Variants in RABEPK observed in about 807,000 individuals in gnomAD.
The protein encoded by RABEPK is Rab9 effector protein with kelch motifs.
A neutral mutation model predicts 34.1 loss-of-function variants in RABEPK; 27 were observed. The observed-to-expected ratio is 0.79, with a 90% CI of 0.58 to 1.09. The LOEUF (loss-of-function observed/expected upper bound fraction) is 1.09, where lower values mean the gene tolerates loss of function less well. RABEPK is among the 50% of genes least tolerant of loss of function. RABEPK has a pLI of 0.00. For missense variants in RABEPK, 449 were observed against 462.6 expected (o/e 0.97, Z 0.27); for synonymous variants, 172 against 169.2 (o/e 1.02, Z -0.13).
At chr9:125,225,447 G>T (rs1831665472) in intron 5 of RABEPK, among the ~76,000 whole-genome samples, 1 of 152,020 alleles carries the variant, frequency 6.6e-6, no homozygotes, top group Admixed American at 6.6e-5. Flanking sequence ...ACTTTGGGAG[G>T]CCCAGGGGGG....
chr9:125,218,315 C>T (rs1229758106), intron 4 of RABEPK, among the ~76,000 whole-genome samples: 1 of 100,952 alleles, frequency 9.9e-6, no homozygotes, highest in South Asian at 3.8e-4. Context: ...CAGCGAGACT[C>T]CGTCTCAAAA....
At position 125,213,411 on chromosome 9, in the gene RABEPK, C is replaced by T; in HGVS notation, c.253C>T (p.Pro85Ser). The change falls in exon 4 of 8, where the codon CCC (proline) becomes TCC (serine). Residue 85 changes from proline to serine, a missense_variant. Coordinates refer to ENST00000373538, the MANE Select transcript of RABEPK (RefSeq NM_005833.4). ...WDLDTCKGLL[P>S]RYEHASFIPS... ...CTTAGATACCTGCAAGGGCCTCTTG[C>T]CCCGGTATGAACATGCTAGCTTCAT... 2 of 1,613,886 alleles carry T rather than the reference C, an allele frequency of 1.2e-6. No individual in the cohort carries two copies. The highest frequency in any genetic ancestry group is 1.1e-5 in the South Asian group (1 of 91,038).
chr9:125,232,135 G>T (rs941432886), intron 6 of RABEPK, among the ~76,000 whole-genome samples: 1 of 151,756 alleles, frequency 6.6e-6, no homozygotes, highest in South Asian at 2.1e-4. Flanking sequence ...CCGACCTCAG[G>T]TGATCCGCCC....
In RABEPK at chr9:125,213,449, A is replaced by C; in HGVS notation, c.291A>C (p.Thr97=). The stretch of plus-strand genomic sequence containing the variant: ...ATGCTAGCTTCATTCCCTCCTGCAC[A>C]CCTGACCGTATCTGGGTATTTGGAG... ...YEHASFIPSC[T]PDRIWVFGGA... is the part of the protein sequence containing the mutation. The change falls in exon 4 of 8, where the codon ACA becomes ACC. Residue 97 remains threonine (T), a synonymous_variant. Coordinates refer to ENST00000373538, the MANE Select transcript of RABEPK (RefSeq NM_005833.4). 1.9e-6 allele frequency: 3 copies of C among 1,614,064 alleles called. No homozygotes were observed. The South Asian group carries it at 3.3e-5, about 18-fold the overall frequency.
chr9:125,229,986 A>G (rs1263120210), intron 6 of RABEPK, among the ~76,000 whole-genome samples: 1 of 151,984 alleles, frequency 6.6e-6, no homozygotes, highest in Non-Finnish European at 1.5e-5. Flanking sequence ...TTTTTTTGAG[A>G]TAGTGTCTCA....
rs569770289 is a variant in RABEPK, at chr9:125,220,682, C to T, written c.508C>T (p.Leu170=). The change falls in exon 5 of 8, where the codon CTG becomes TTG. Residue 170 remains leucine (L), a synonymous_variant. Coordinates refer to ENST00000373538, the MANE Select transcript of RABEPK (RefSeq NM_005833.4). ...RGAQPVQDTK[L]HVFDANTLTW... Reference sequence around the variant, plus strand: ...TGCCCAGCCCGTGCAGGACACGAAGCTGCATGTGTTTGACGCAAGTATGGA... The same window carrying T: ...TGCCCAGCCCGTGCAGGACACGAAGTTGCATGTGTTTGACGCAAGTATGGA... 6.2e-7 allele frequency: 1 copy of T among 1,614,106 alleles called. No homozygotes were observed. The highest frequency in any genetic ancestry group is 2.2e-5 in the East Asian group (1 of 44,886).
At chr9:125,214,256 A>G (rs1830773312) in intron 4 of RABEPK, among the ~76,000 whole-genome samples, 1 of 152,154 alleles carries the variant, frequency 6.6e-6, no homozygotes, top group Non-Finnish European at 1.5e-5. Flanking sequence ...CCCGGGGGAC[A>G]TTTGGCCATA....
rs758414795 is a variant in RABEPK, at chr9:125,207,713, T to G, written c.203T>G (p.Met68Arg). 2 of 1,613,990 alleles carry G rather than the reference T, an allele frequency of 1.2e-6. No individual in the cohort carries two copies. The highest frequency in any genetic ancestry group is 1.7e-6 in the Non-Finnish European group (2 of 1,179,972). ...PNRSFSDVHT[M>R]DLGKHQWDLD... ...AGAAGCTTCTCAGACGTGCACACCA[T>G]GGATCTGGGTAAGATCAGCAGCTGC... is the stretch of plus-strand genomic sequence containing the variant. The change falls in exon 3 of 8, where the codon ATG becomes AGG. Residue 68 changes from methionine (M) to arginine (R), a missense_variant. Coordinates refer to ENST00000373538, the MANE Select transcript of RABEPK (RefSeq NM_005833.4).
chr9:125,213,237 A>G (rs142183469), intron 3 of RABEPK, 133 bp from the exon 4 acceptor site: 8 of 927,416 alleles, frequency 8.6e-6, no homozygotes, highest in Middle Eastern at 3.2e-4. Context: ...CTGGAGGTTG[A>G]CAACATGCCC....
rs977498048 is a variant in RABEPK at position 125,232,527 on chromosome 9, A to G, written c.677-69A>G. The G allele has an allele frequency of 4.0e-6, 6 of 1,505,684 alleles. No individual in the cohort carries two copies. In the Admixed American group the frequency reaches 1.2e-4, roughly 30 times the overall value. 93.3% of individuals were successfully genotyped at this position (1,505,684 alleles called of 1,614,324 possible). ...TTTCAGTGATTGGTGTGCAAACTAC[A>G]GTAGATAGATAAGTTTGAAAGCACA... is the stretch of plus-strand genomic sequence containing the variant. On this transcript the variant is annotated intron_variant, in intron 6 of 7. Transcript: ENST00000373538.
At chr9:125,222,281 A>G (rs1831392569) in intron 5 of RABEPK, 1 of 152,120 alleles carries the variant, frequency 6.6e-6, no homozygotes, top group Non-Finnish European at 1.5e-5. Flanking sequence ...TTTTGAATAT[A>G]TAAAACTATA....
chr9:125,232,691 T>G lies in RABEPK; in HGVS notation c.772T>G (p.Phe258Val). 6.2e-7 allele frequency: 1 copy of G among 1,614,084 alleles called. No homozygotes were observed. The highest frequency in any genetic ancestry group is 8.5e-7 in the Non-Finnish European group (1 of 1,179,992). The change falls in exon 7 of 8, where the codon TTT (phenylalanine) becomes GTT (valine). Residue 258 changes from phenylalanine to valine, a missense_variant. Transcript: ENST00000373538. ...GGCCATGGGAAAACATGTGTACATC[T>G]TTGGTGGAATGACTCCTGCAGGAGC... ...AVAMGKHVYI[F>V]GGMTPAGALD... is the part of the protein sequence containing the mutation.
intron 3 of RABEPK, among the ~76,000 whole-genome samples, chr9:125,208,540 A>ATT (rs796283802): frequency 1.4e-5 from 2 of 138,540 alleles, no homozygotes; most frequent in African/African-American, 5.3e-5. Flanking sequence ...TGCCCAGCTA[A>ATT]TTTTTTTTTT....
chr9:125,214,007 A>G (rs912751384), intron 4 of RABEPK, among the ~76,000 whole-genome samples: 3 of 151,994 alleles, frequency 2.0e-5, no homozygotes, highest in Middle Eastern at 3.2e-3. Flanking sequence ...CTATAATCCC[A>G]GCTACTCAAG....
intron 3 of RABEPK, among the ~76,000 whole-genome samples, chr9:125,212,055 C>T (rs1000478136): frequency 2.6e-5 from 4 of 152,134 alleles, no homozygotes; most frequent in African/African-American, 9.7e-5. Context: ...TTATTGCAAC[C>T]TATTAATAGC....
At chr9:125,206,388 C>A (rs1830227685) in intron 2 of RABEPK, among the ~76,000 whole-genome samples, 2 of 151,754 alleles carry the variant, frequency 1.3e-5, no homozygotes, top group South Asian at 4.2e-4. Context: ...GTCCCAGCTA[C>A]TCGGGAGGCT....
chr9:125,229,450 AAG>A (rs1472458636), intron 6 of RABEPK, among the ~76,000 whole-genome samples: 4 of 152,078 alleles, frequency 2.6e-5, no homozygotes, highest in Admixed American at 6.6e-5. Context: ...AAAAAAGAAA[AAG>A]AAAATATAGC....
At chr9:125,223,267 GTC>G (rs1174108572) in intron 5 of RABEPK, among the ~76,000 whole-genome samples, 1 of 151,876 alleles carries the variant, frequency 6.6e-6, no homozygotes, top group East Asian at 1.9e-4. Context: ...GTGAAACCCT[GTC>G]TCTACTAAAA....
In RABEPK at chr9:125,203,017, A is replaced by G. The variant is rs774391760; in HGVS notation, c.4A>G (p.Lys2Glu). M[K>E]QLPVLEPGDK... ...TCTTTCTTATGCATAGGACACCATG[A>G]AGCAACTGCCAGTCTTGGAACCTGG... The change falls in exon 2 of 8, where the codon AAG (lysine) becomes GAG (glutamate). Residue 2 changes from lysine to glutamate, a missense_variant. Physicochemically the swap from Lys to Glu is moderately conservative, Grantham distance 56. Coordinates refer to ENST00000373538, the MANE Select transcript of RABEPK (RefSeq NM_005833.4). The G allele has an allele frequency of 5.0e-6, 8 of 1,613,616 alleles. No individual in the cohort carries two copies. The Admixed American group carries it at 1.2e-4, about 24-fold the overall frequency.
Sources: gnomAD v4.1 joint callset for allele counts (sites outside exome capture counted in the v4.1 genomes callset) on GRCh38, gnomAD v4.1.1 for gene constraint, MANE v1.5 for transcripts, NCBI Gene and HGNC (gene_info 2026-07-23, HGNC 2026-07-21) for gene names.